The following SAMMSON variants were observed in gnomAD, a reference collection of about 807,000 sequenced individuals.
SAMMSON encodes long intergenic non-protein coding RNA 1212.
intron 6 of SAMMSON, among the ~76,000 whole-genome samples, chr3:70,276,684 T>C (rs1702030077): frequency 1.3e-5 from 2 of 152,236 alleles, no homozygotes; most frequent in African/African-American, 4.8e-5. Context: ...CCTACTGCAT[T>C]TTTTTGTAAG....
intron 4 of SAMMSON, among the ~76,000 whole-genome samples, chr3:70,202,264 G>C (rs1701247235): frequency 6.6e-6 from 1 of 152,136 alleles, no homozygotes; most frequent in Non-Finnish European, 1.5e-5. Flanking sequence ...ATAGTGGTCA[G>C]TGACTAGTGG....
intron 7 of SAMMSON, among the ~76,000 whole-genome samples, chr3:70,320,785 A>G (rs1166684165): frequency 6.6e-6 from 1 of 152,102 alleles, no homozygotes; most frequent in Non-Finnish European, 1.5e-5. Context: ...ATTAGCATTT[A>G]CCTACTTAGG....
chr3:70,399,703 T>A (rs1289977964), intron 2 of SAMMSON, among the ~76,000 whole-genome samples: 2 of 151,784 alleles, frequency 1.3e-5, no homozygotes, highest in African/African-American at 2.4e-5. Context: ...CCATCTCTAC[T>A]GAAAATACAA....
At chr3:70,282,203 CTGGCAGTATT>C (rs1402750320) in intron 6 of SAMMSON, among the ~76,000 whole-genome samples, 1 of 152,110 alleles carries the variant, frequency 6.6e-6, no homozygotes, top group Non-Finnish European at 1.5e-5. Context: ...CCCTTCTTTC[CTGGCAGTATT>C]TGCTGTCTCA....
intron 3 of SAMMSON, chr3:70,068,411 T>C (rs1160893527): frequency 6.6e-6 from 1 of 152,046 alleles, no homozygotes; most frequent in African/African-American, 2.4e-5. Context: ...ACATTGAAAA[T>C]GACATGATCT....
At chr3:70,145,059 C>A (rs2067542263) in intron 4 of SAMMSON, among the ~76,000 whole-genome samples, 2 of 152,136 alleles carry the variant, frequency 1.3e-5, no homozygotes, top group African/African-American at 2.4e-5. Context: ...CTCCCCTTAC[C>A]TCCTGCTTTG....
chr3:70,429,047 CCTGA>C (rs1701393091), intron 2 of SAMMSON, among the ~76,000 whole-genome samples: 1 of 151,976 alleles, frequency 6.6e-6, no homozygotes, highest in Non-Finnish European at 1.5e-5. Context: ...GTGCCTATGG[CCTGA>C]ATGGTATTGC....
At chr3:70,123,492 A>G (rs2106668499) in intron 4 of SAMMSON, among the ~76,000 whole-genome samples, 1 of 152,208 alleles carries the variant, frequency 6.6e-6, no homozygotes, top group Non-Finnish European at 1.5e-5. Context: ...CTGGTCTCGA[A>G]CTCCTGAGCT....
intron 7 of SAMMSON, among the ~76,000 whole-genome samples, chr3:70,345,668 C>T (rs1327392508): frequency 5.3e-5 from 8 of 152,248 alleles, no homozygotes; most frequent in Middle Eastern, 3.4e-3. Context: ...TCCAAAACCT[C>T]GGCAACCATT....
intron 3 of SAMMSON, among the ~76,000 whole-genome samples, chr3:70,044,041 A>G (rs759096017): frequency 6.6e-6 from 1 of 152,080 alleles, no homozygotes; most frequent in Non-Finnish European, 1.5e-5. Flanking sequence ...AGATATTCCT[A>G]CGAATTTTGG....
intron 9 of SAMMSON, among the ~76,000 whole-genome samples, chr3:70,384,808 T>G (rs2106753943): frequency 6.6e-6 from 1 of 152,188 alleles, no homozygotes; most frequent in East Asian, 1.9e-4. Context: ...AAATAAGGAT[T>G]TTTTTCGTCT....
intron 4 of SAMMSON, among the ~76,000 whole-genome samples, chr3:70,123,507 C>T (rs995470497): frequency 6.6e-6 from 1 of 152,178 alleles, no homozygotes; most frequent in Non-Finnish European, 1.5e-5. Context: ...TGAGCTGAAG[C>T]GATCCACTTG....
intron 4 of SAMMSON, among the ~76,000 whole-genome samples, chr3:70,232,902 C>A (rs1701574291): frequency 6.6e-6 from 1 of 152,040 alleles, no homozygotes; most frequent in African/African-American, 2.4e-5. Flanking sequence ...AAGTTTGAAG[C>A]CCTATGCTAG....
At chr3:70,138,645 T>C (rs2106679102) in intron 4 of SAMMSON, among the ~76,000 whole-genome samples, 1 of 152,352 alleles carries the variant, frequency 6.6e-6, no homozygotes, top group Non-Finnish European at 1.5e-5. Context: ...ACACACAAGA[T>C]ACATTCAGTT....
chr3:70,199,712 C>G (rs1576152275), intron 4 of SAMMSON, among the ~76,000 whole-genome samples: 2 of 152,102 alleles, frequency 1.3e-5, no homozygotes, highest in South Asian at 2.1e-4. Flanking sequence ...TTGAAAAGAG[C>G]GTTGGATTTC....
chr3:70,402,422 A>G (rs537175397), intron 2 of SAMMSON, among the ~76,000 whole-genome samples: 2 of 152,344 alleles, frequency 1.3e-5, no homozygotes, highest in East Asian at 3.9e-4. Flanking sequence ...AAATTTTCAC[A>G]ACATCTTAAT....
chr3:70,103,916 G>A (rs1032923079), intron 4 of SAMMSON, among the ~76,000 whole-genome samples: 5 of 151,112 alleles, frequency 3.3e-5, no homozygotes, highest in South Asian at 2.1e-4. Flanking sequence ...GAATCTTTAC[G>A]TCTTGCCCTT....
chr3:70,260,180 CTT>C (rs1481348875), intron 6 of SAMMSON, among the ~76,000 whole-genome samples: 1 of 152,148 alleles, frequency 6.6e-6, no homozygotes, highest in Non-Finnish European at 1.5e-5. Flanking sequence ...ATCCTGCCCT[CTT>C]CCTAACTTCT....
At chr3:70,405,635 A>T (rs1414083163) in intron 2 of SAMMSON, among the ~76,000 whole-genome samples, 1 of 152,220 alleles carries the variant, frequency 6.6e-6, no homozygotes, top group Non-Finnish European at 1.5e-5. Flanking sequence ...ATAGTAATAG[A>T]ATAGAAATTA....
Sources: allele counts gnomAD v4.1 joint callset (sites outside exome capture counted in the v4.1 genomes callset), GRCh38; gene constraint gnomAD v4.1.1; transcripts MANE v1.5; gene names NCBI Gene and HGNC (gene_info 2026-07-23, HGNC 2026-07-21).